CDH13: variants seen among roughly 807,000 people sequenced by gnomAD.
CDH13 encodes the protein cadherin-13.
CDH13 carries 24 observed loss-of-function variants against 63.8 expected under a neutral mutation model. That is an observed-to-expected ratio of 0.38 (90% CI 0.27 to 0.53). CDH13 has a LOEUF of 0.53. Ranked by LOEUF, CDH13 falls within the 20% of genes least tolerant of loss-of-function variation. The probability of loss-of-function intolerance (pLI) is 0.85; values close to 1 mark genes in which losing one functional copy is unlikely to be tolerated. For missense variants in CDH13, 1,049 were observed against 903.1 expected, an observed-to-expected ratio of 1.16 and a Z score of -2.07; for synonymous variants, 503 against 355.3, an observed-to-expected ratio of 1.42 and a Z score of -4.67.
chr16:82,984,643 C>A (rs755284603), intron 2 of CDH13, among the ~76,000 whole-genome samples: 15 of 152,164 alleles, frequency 9.9e-5, no homozygotes, highest in Non-Finnish European at 1.3e-4. Context: ...GAAGAAGGTT[C>A]AGCTATGATT....
At chr16:83,035,801 T>C (rs1217700529) in intron 3 of CDH13, among the ~76,000 whole-genome samples, 1 of 152,208 alleles carries the variant, frequency 6.6e-6, no homozygotes, top group Non-Finnish European at 1.5e-5. Context: ...TTTTCGTCTG[T>C]AACATAGGGA....
At chr16:83,536,448 A>G (rs2075190614) in intron 7 of CDH13, among the ~76,000 whole-genome samples, 1 of 152,098 alleles carries the variant, frequency 6.6e-6, no homozygotes, top group Non-Finnish European at 1.5e-5. Context: ...TAGAAAGAAC[A>G]TCACAGGGAG....
At chr16:82,761,272 C>T (rs1461678098) in intron 1 of CDH13, among the ~76,000 whole-genome samples, 1 of 152,078 alleles carries the variant, frequency 6.6e-6, no homozygotes. Context: ...CCCTCCTCGG[C>T]CTCCCAAAGT....
At chr16:83,145,439 T>A (rs577128175) in intron 4 of CDH13, among the ~76,000 whole-genome samples, 1 of 152,288 alleles carries the variant, frequency 6.6e-6, no homozygotes, top group South Asian at 2.1e-4. Flanking sequence ...ATGCCAGAAG[T>A]GTTCTTGGCA....
intron 5 of CDH13, among the ~76,000 whole-genome samples, chr16:83,292,140 C>G (rs1035177952): frequency 1.3e-5 from 2 of 152,178 alleles, no homozygotes; most frequent in African/African-American, 2.4e-5. Context: ...CAGTTAGTTT[C>G]TGTTCAGACT....
At chr16:83,049,235 C>G (rs1276115553) in intron 3 of CDH13, among the ~76,000 whole-genome samples, 1 of 151,902 alleles carries the variant, frequency 6.6e-6, no homozygotes, top group Non-Finnish European at 1.5e-5. Flanking sequence ...AGCATGTTCT[C>G]CCTTCCCCAG....
At position 83,783,337 on chromosome 16, in the gene CDH13, C is replaced by A; in HGVS notation, c.1999C>A (p.Pro667Thr). 1 of 1,613,912 alleles carries A rather than the reference C, an allele frequency of 6.2e-7. No homozygotes were observed. Among genetic ancestry groups the A allele is most frequent in the Non-Finnish European group, 8.5e-7 (1 of 1,179,834 alleles). ...LPIMVTDSGK[P>T]PMTNITDLRV... ...CATCATGGTGACAGATTCAGGGAAA[C>A]CACCCATGACGAATATCACAGATCT... Residue 667 changes from proline (P) to threonine (T), a missense_variant, in exon 13 of 14, where the codon CCA (proline) becomes ACA (threonine). Physicochemically the swap from Pro to Thr is conservative, Grantham distance 38. Transcript: ENST00000567109.
chr16:83,035,851 C>A (rs186229368), intron 3 of CDH13, among the ~76,000 whole-genome samples: 31 of 152,252 alleles, frequency 2.0e-4, no homozygotes, highest in African/African-American at 6.7e-4. Flanking sequence ...TTCAATGAGA[C>A]GATACATGTA....
At chr16:83,261,109 A>G (rs1435386210) in intron 5 of CDH13, among the ~76,000 whole-genome samples, 1 of 152,164 alleles carries the variant, frequency 6.6e-6, no homozygotes, top group Non-Finnish European at 1.5e-5. Context: ...GCCAAGGAGA[A>G]CAGGGCATCT....
intron 3 of CDH13, among the ~76,000 whole-genome samples, chr16:83,090,538 C>T (rs1465022045): frequency 6.7e-6 from 1 of 149,036 alleles, no homozygotes; most frequent in Non-Finnish European, 1.5e-5. Flanking sequence ...CGCGTCATTG[C>T]ACTCCAGACT....
chr16:83,699,901 C>G (rs1011885346), intron 10 of CDH13, among the ~76,000 whole-genome samples: 2 of 152,198 alleles, frequency 1.3e-5, no homozygotes, highest in East Asian at 1.9e-4. Context: ...TTCTCCCTCT[C>G]CTCTGCACTT....
At chr16:82,639,261 C>T (rs1444953297) in intron 1 of CDH13, 11 of 716,712 alleles carry the variant, frequency 1.5e-5, no homozygotes, top group East Asian at 5.7e-5. Flanking sequence ...TGGGTCTGGG[C>T]CCTGGACTTC....
At chr16:83,757,725 G>T (rs1043797266) in intron 11 of CDH13, among the ~76,000 whole-genome samples, 1 of 152,044 alleles carries the variant, frequency 6.6e-6, no homozygotes, top group Non-Finnish European at 1.5e-5. Context: ...AAGGGAAAAT[G>T]ACTATAGCCA....
chr16:83,229,763 C>T (rs75500738), intron 5 of CDH13, among the ~76,000 whole-genome samples: 1 of 152,120 alleles, frequency 6.6e-6, no homozygotes, highest in Non-Finnish European at 1.5e-5. Context: ...GGAAAGCCTG[C>T]AGGCCCACGA....
intron 2 of CDH13, among the ~76,000 whole-genome samples, chr16:82,939,239 CA>C (rs2042757874): frequency 6.6e-6 from 1 of 152,112 alleles, no homozygotes; most frequent in Non-Finnish European, 1.5e-5. Context: ...GCCTGGGCAA[CA>C]TGGTGAAACC....
intron 6 of CDH13, among the ~76,000 whole-genome samples, chr16:83,361,605 T>C (rs1394364069): frequency 6.6e-6 from 1 of 152,222 alleles, no homozygotes; most frequent in Non-Finnish European, 1.5e-5. Context: ...TTAATTTTTG[T>C]ATATGATGAA....
intron 6 of CDH13, among the ~76,000 whole-genome samples, chr16:83,448,045 G>C (rs1334352198): frequency 6.6e-6 from 1 of 152,176 alleles, no homozygotes; most frequent in African/African-American, 2.4e-5. Flanking sequence ...GGGAATGAGA[G>C]GAAAAGCACA....
At chr16:83,480,209 G>T (rs957989318) in intron 6 of CDH13, among the ~76,000 whole-genome samples, 1 of 152,136 alleles carries the variant, frequency 6.6e-6, no homozygotes, top group African/African-American at 2.4e-5. Flanking sequence ...CCAGCTAATT[G>T]GGAGGCTGAG....
chr16:82,868,197 G>A (rs2040218646), intron 2 of CDH13, among the ~76,000 whole-genome samples: 1 of 152,140 alleles, frequency 6.6e-6, no homozygotes, highest in Non-Finnish European at 1.5e-5. Flanking sequence ...TTCTGGTATT[G>A]CCTAATTCAC....
Sources: gnomAD v4.1 joint callset for allele counts (sites outside exome capture counted in the v4.1 genomes callset) on GRCh38, gnomAD v4.1.1 for gene constraint, MANE v1.5 for transcripts, NCBI Gene and HGNC (gene_info 2026-07-23, HGNC 2026-07-21) for gene names.